The following KMT5B variants were observed in gnomAD, a reference collection of about 807,000 sequenced individuals.
KMT5B encodes the protein histone-lysine N-methyltransferase KMT5B.
A neutral mutation model predicts 83.2 loss-of-function variants in KMT5B; 10 were observed. The observed-to-expected ratio is 0.12, with a 90% CI of 0.07 to 0.20. The LOEUF (loss-of-function observed/expected upper bound fraction) is 0.20, where lower values mean the gene tolerates loss of function less well. KMT5B is among the 10% of genes least tolerant of loss of function. The pLI is 1.00. For synonymous variants in KMT5B, 349 were observed against 388.8 expected (o/e 0.90, Z 1.20); for missense variants, 753 against 1,067.2 (o/e 0.71, Z 4.10).
intron 1 of KMT5B, among the ~76,000 whole-genome samples, chr11:68,205,182 C>T (rs1859939350): frequency 6.6e-6 from 1 of 151,628 alleles, no homozygotes; most frequent in African/African-American, 2.4e-5. Context: ...GCCAGTTGTG[C>T]TGCTGCGCAA....
chr11:68,166,590 A>G, intron 10 of KMT5B: 1 of 1,006,866 alleles, frequency 9.9e-7, no homozygotes, highest in Non-Finnish European at 1.2e-6. Context: ...CATCTTTTCT[A>G]ACAAACTGGC....
intron 2 of KMT5B, among the ~76,000 whole-genome samples, chr11:68,188,315 C>T (rs1349726542): frequency 1.3e-5 from 2 of 151,924 alleles, no homozygotes; most frequent in South Asian, 2.1e-4. Context: ...TGAGCCACCA[C>T]GCCCGGCCCG....
chr11:68,172,107 G>A (rs1565226651), intron 6 of KMT5B, among the ~76,000 whole-genome samples: 1 of 152,160 alleles, frequency 6.6e-6, no homozygotes, highest in African/African-American at 2.4e-5. Flanking sequence ...CCGGAATCAT[G>A]GTGCCACTCT....
chr11:68,207,327 T>TCAAAC (rs1290710338), intron 1 of KMT5B, among the ~76,000 whole-genome samples: 1 of 152,000 alleles, frequency 6.6e-6, no homozygotes, highest in Non-Finnish European at 1.5e-5. Flanking sequence ...GTGTACCTGG[T>TCAAAC]CAAACAGATT....
chr11:68,157,970 T>G lies in KMT5B; in HGVS notation c.2376A>C (p.Thr792=). 6.2e-7 allele frequency: 1 copy of G among 1,614,200 alleles called. No homozygotes were observed. Among genetic ancestry groups the G allele is most frequent in the Non-Finnish European group, 8.5e-7 (1 of 1,180,032 alleles). Residue 792 remains threonine, a synonymous_variant, in exon 11 of 11, where the codon ACA becomes ACC. Coordinates refer to ENST00000304363, the MANE Select transcript of KMT5B (RefSeq NM_017635.5). ...ACACCCCATTTTCATGAAGCCCCTC[T>G]GTATAAGACCCCCTATTTTCCTCAT... ...KRDEENRGSY[T]EGLHENGVCC...
At chr11:68,166,878 C>G (rs1855365624) in intron 10 of KMT5B, 104 bp downstream of exon 10, 2 of 1,505,490 alleles carry the variant, frequency 1.3e-6, no homozygotes, top group African/African-American at 1.4e-5. Flanking sequence ...AAGTCCCAGT[C>G]TCTCTGAGTA....
chr11:68,186,401 T>C (rs549115515), intron 2 of KMT5B, among the ~76,000 whole-genome samples: 6 of 152,328 alleles, frequency 3.9e-5, no homozygotes, highest in African/African-American at 1.4e-4. Context: ...TTCAGCTTCC[T>C]GCTTTAGGGC....
At chr11:68,213,408 C>T (rs1259289191), upstream of KMT5B, 1 of 146,738 alleles carries the variant, frequency 6.8e-6, no homozygotes, top group Non-Finnish European at 1.5e-5. Context: ...GTCGCGCCCC[C>T]CGCGCCCCCG....
At chr11:68,164,963 A>AT (rs1855184979) in intron 10 of KMT5B, among the ~76,000 whole-genome samples, 1 of 152,224 alleles carries the variant, frequency 6.6e-6, no homozygotes, top group African/African-American at 2.4e-5. Context: ...GTTAATATAT[A>AT]TTCCCAAATA....
At chr11:68,159,322 C>G in intron 10 of KMT5B, 151 bp from the exon 11 acceptor site, 1 of 1,077,414 alleles carries the variant, frequency 9.3e-7, no homozygotes. Flanking sequence ...AGCGCACCTG[C>G]ATTCCCTACA....
At chr11:68,190,908 G>C (rs1857965305) in intron 1 of KMT5B, among the ~76,000 whole-genome samples, 1 of 152,220 alleles carries the variant, frequency 6.6e-6, no homozygotes, top group South Asian at 2.1e-4. Flanking sequence ...AGCCTGCAGT[G>C]AAGCTATGAT....
chr11:68,197,887 T>C (rs1858912077), intron 1 of KMT5B, among the ~76,000 whole-genome samples: 1 of 152,178 alleles, frequency 6.6e-6, no homozygotes, highest in South Asian at 2.1e-4. Context: ...GTAAAAACAA[T>C]TCTAATGAAG....
intron 4 of KMT5B, among the ~76,000 whole-genome samples, chr11:68,175,636 C>T (rs907750765): frequency 1.3e-5 from 2 of 152,112 alleles, no homozygotes; most frequent in Non-Finnish European, 2.9e-5. Context: ...TTAAAACATG[C>T]AAAATCAAGC....
At chr11:68,174,732 G>GCT (rs1565229451) in intron 5 of KMT5B, among the ~76,000 whole-genome samples, 2 of 151,876 alleles carry the variant, frequency 1.3e-5, no homozygotes, top group African/African-American at 2.4e-5. Flanking sequence ...TTTTAGAGAT[G>GCT]GAGTCTTGCT....
At chr11:68,192,358 AG>A (rs1055604722) in intron 1 of KMT5B, among the ~76,000 whole-genome samples, 2 of 152,248 alleles carry the variant, frequency 1.3e-5, no homozygotes. Context: ...ATGCCTGCTC[AG>A]GAATACAGTG....
At chr11:68,207,763 C>T (rs1444266781) in intron 1 of KMT5B, among the ~76,000 whole-genome samples, 4 of 142,240 alleles carry the variant, frequency 2.8e-5, no homozygotes, top group Non-Finnish European at 4.5e-5. Context: ...TGCACTCCAG[C>T]TTGGGCAACA....
intron 1 of KMT5B, among the ~76,000 whole-genome samples, chr11:68,203,793 A>G (rs973631615): frequency 3.9e-5 from 6 of 152,186 alleles, no homozygotes; most frequent in Admixed American, 1.3e-4. Flanking sequence ...CAGGGTTTTC[A>G]TTTCCCTGAA....
chr11:68,211,587 C>T (rs1434910801), intron 1 of KMT5B, among the ~76,000 whole-genome samples: 1 of 152,242 alleles, frequency 6.6e-6, no homozygotes, highest in East Asian at 1.9e-4. Context: ...AGCACCTACT[C>T]TGTACCTGCC....
chr11:68,173,648 C>CT (rs1265314089), intron 6 of KMT5B, among the ~76,000 whole-genome samples, 156 bp downstream of exon 6: 1 of 152,214 alleles, frequency 6.6e-6, no homozygotes, highest in Non-Finnish European at 1.5e-5. Flanking sequence ...TTTCCCCACT[C>CT]TGACTCCAGC....
Sources: gnomAD v4.1 joint callset for allele counts (sites outside exome capture counted in the v4.1 genomes callset) on GRCh38, gnomAD v4.1.1 for gene constraint, MANE v1.5 for transcripts, NCBI Gene and HGNC (gene_info 2026-07-23, HGNC 2026-07-21) for gene names.